The following QKI variants were observed in gnomAD, a reference collection of about 807,000 sequenced individuals.
The protein encoded by QKI is QKI, KH domain containing RNA binding.
In QKI, 10 loss-of-function variants were observed where a neutral mutation model predicts 39.0. The ratio of observed to expected loss-of-function variants is 0.26; its 90% CI spans 0.16 to 0.43. The LOEUF is 0.43. Ranked by LOEUF, QKI falls within the 20% of genes least tolerant of loss-of-function variation. The probability of loss-of-function intolerance (pLI) is 1.00; values close to 1 mark genes in which losing one functional copy is unlikely to be tolerated. For synonymous variants in QKI, 204 were observed against 155.4 expected, an observed-to-expected ratio of 1.31 and a Z score of -2.33; for missense variants, 218 against 428.0, an observed-to-expected ratio of 0.51 and a Z score of 4.33.
chr6:163,577,515 G>A lies in QKI; in HGVS notation c.*6805G>A, dbSNP rs2128255216. 6.6e-6 allele frequency: 1 copy of A among 152,208 alleles called. No homozygotes were observed. The highest frequency in any genetic ancestry group is 3.4e-3 in the Middle Eastern group (1 of 292). 9.4% of individuals were successfully genotyped at this position (152,208 alleles called of 1,614,324 possible). On this transcript the variant is annotated 3_prime_UTR_variant, in exon 8 of 8. Coordinates refer to ENST00000361752, the MANE Select transcript of QKI (RefSeq NM_006775.3). The stretch of plus-strand genomic sequence containing the variant: ...CCAAACATGTATTCTTAACATAGTA[G>A]GCACCAGCTGAAACTGAGTAATTAA...
intron 3 of QKI, among the ~76,000 whole-genome samples, chr6:163,524,408 G>GTCATGTCAT (rs140833188): frequency 0.039 from 5,882 of 151,984 alleles, 391 homozygotes; most frequent in African/African-American, 0.14. Flanking sequence ...ATAACCGCTA[G>GTCATGTCAT]TCATGTCATT....
chr6:163,518,896 A>C (rs1779988767), intron 3 of QKI, among the ~76,000 whole-genome samples: 1 of 152,146 alleles, frequency 6.6e-6, no homozygotes, highest in Admixed American at 6.5e-5. Flanking sequence ...CCTGTGAGGT[A>C]AGCCTAGGAG....
intron 3 of QKI, among the ~76,000 whole-genome samples, chr6:163,496,925 G>A (rs1472190020): frequency 2.6e-5 from 4 of 152,090 alleles, no homozygotes; most frequent in Middle Eastern, 3.2e-3. Flanking sequence ...GCCCTGACAT[G>A]TTCTACATAT....
chr6:163,524,165 G>A (rs972536339), intron 3 of QKI, among the ~76,000 whole-genome samples: 2 of 152,102 alleles, frequency 1.3e-5, no homozygotes, highest in African/African-American at 2.4e-5. Context: ...TAATCCAAAT[G>A]CTTCATGGAG....
chr6:163,461,531 A>G (rs1382755631), intron 2 of QKI, among the ~76,000 whole-genome samples: 3 of 152,170 alleles, frequency 2.0e-5, no homozygotes, highest in Non-Finnish European at 2.9e-5. Flanking sequence ...AAAGAGTTTC[A>G]TGTTAGGATC....
intron 1 of QKI, among the ~76,000 whole-genome samples, chr6:163,424,961 A>G (rs1430916660): frequency 2.0e-5 from 3 of 152,176 alleles, no homozygotes; most frequent in African/African-American, 7.2e-5. Context: ...AACATTTTAA[A>G]ATCGCTTATG....
intron 1 of QKI, among the ~76,000 whole-genome samples, chr6:163,431,940 A>G (rs1372158618): frequency 6.6e-6 from 1 of 151,898 alleles, no homozygotes; most frequent in Non-Finnish European, 1.5e-5. Context: ...TTTACAAAGG[A>G]TATGAATACA....
intron 3 of QKI, among the ~76,000 whole-genome samples, chr6:163,521,056 G>A (rs1042390110): frequency 6.6e-6 from 1 of 152,060 alleles, no homozygotes; most frequent in Non-Finnish European, 1.5e-5. Context: ...AAGAATGGGT[G>A]TGTGAAATAC....
intron 3 of QKI, among the ~76,000 whole-genome samples, chr6:163,493,003 T>G (rs1778157052): frequency 6.6e-6 from 1 of 152,222 alleles, no homozygotes; most frequent in Non-Finnish European, 1.5e-5. Context: ...ATAATTCTGG[T>G]ATTTTAAAAA....
chr6:163,524,372 C>G (rs1029028993), intron 3 of QKI, among the ~76,000 whole-genome samples: 1 of 152,088 alleles, frequency 6.6e-6, no homozygotes, highest in Non-Finnish European at 1.5e-5. Context: ...TCTGAAAATA[C>G]ATTTCCAATT....
intron 3 of QKI, among the ~76,000 whole-genome samples, chr6:163,493,133 C>CTT (rs34924542): frequency 0.025 from 3,550 of 140,566 alleles, 166 homozygotes; most frequent in African/African-American, 0.084. Context: ...ATCTACAATA[C>CTT]TTTTTTTTTT....
At chr6:163,478,057 C>T (rs1307123476) in intron 2 of QKI, among the ~76,000 whole-genome samples, 1 of 152,114 alleles carries the variant, frequency 6.6e-6, no homozygotes, top group South Asian at 2.1e-4. Context: ...CACGATTTAG[C>T]CCGTTTTTCC....
intron 6 of QKI, chr6:163,564,675 G>A (rs562322070): frequency 3.1e-6 from 5 of 1,613,912 alleles, no homozygotes; most frequent in Non-Finnish European, 2.5e-6. Flanking sequence ...AGAGTGGATT[G>A]AAATGCCAGT....
rs1783982267 is a variant in QKI, at chr6:163,576,514, C to CT, written c.*5808dup. 6.6e-6 allele frequency: 1 copy of CT among 151,762 alleles called. No individual in the cohort carries two copies. The highest frequency in any genetic ancestry group is 1.5e-5 in the Non-Finnish European group (1 of 67,996). The allele number at this position is 151,762 out of a possible 1,614,324, so 9.4% of individuals were successfully genotyped here. ...ATTAAGTTTTTATTACCAAATATAT[C>CT]TTTTATGGTTTATATTGTAGTGGTA... On this transcript the variant is annotated 3_prime_UTR_variant, in exon 8 of 8. Coordinates refer to ENST00000361752, the MANE Select transcript of QKI (RefSeq NM_006775.3).
chr6:163,449,218 C>G (rs1383873679), intron 1 of QKI, among the ~76,000 whole-genome samples: 1 of 152,182 alleles, frequency 6.6e-6, no homozygotes, highest in East Asian at 1.9e-4. Context: ...GTCATTTTAA[C>G]TTACCTCATA....
chr6:163,566,983 CT>C, intron 7 of QKI, 188 bp downstream of exon 7: 1 of 1,355,316 alleles, frequency 7.4e-7, no homozygotes, highest in Non-Finnish European at 9.5e-7. Context: ...TTTTTTCTCC[CT>C]TCATATTTTA....
intron 3 of QKI, among the ~76,000 whole-genome samples, chr6:163,498,271 G>A (rs1413369908): frequency 6.7e-6 from 1 of 149,912 alleles, no homozygotes; most frequent in Non-Finnish European, 1.5e-5. Context: ...TTGCACAATT[G>A]TACAGCACAG....
At chr6:163,435,145 A>G (rs1043366238) in intron 1 of QKI, among the ~76,000 whole-genome samples, 1 of 152,212 alleles carries the variant, frequency 6.6e-6, no homozygotes, top group African/African-American at 2.4e-5. Context: ...TTATCCAAAA[A>G]ACATAAAGCA....
At position 163,415,202 on chromosome 6, in the gene QKI, G is replaced by C; in HGVS notation, c.9G>C (p.Gly3=). 1 of 1,580,974 alleles carries C rather than the reference G, an allele frequency of 6.3e-7. No individual in the cohort carries two copies. Among genetic ancestry groups the C allele is most frequent in the Non-Finnish European group, 8.6e-7 (1 of 1,160,208 alleles). The change falls in exon 1 of 8, where the codon GGG becomes GGC. Residue 3 remains glycine, a synonymous_variant. Coordinates refer to ENST00000361752, the MANE Select transcript of QKI (RefSeq NM_006775.3). ...GCTGCGGAGCCTGGAATATGGTCGGGGAAATGGAAACGAAGGAGAAGCCGA... is the reference window on the plus strand; with the variant it reads ...GCTGCGGAGCCTGGAATATGGTCGGCGAAATGGAAACGAAGGAGAAGCCGA... MV[G]EMETKEKPKP...
Sources: gnomAD v4.1 joint callset for allele counts (sites outside exome capture counted in the v4.1 genomes callset) on GRCh38, gnomAD v4.1.1 for gene constraint, MANE v1.5 for transcripts, NCBI Gene and HGNC (gene_info 2026-07-23, HGNC 2026-07-21) for gene names.